Variants in FBXL7 observed in about 807,000 individuals in gnomAD.
The protein encoded by FBXL7 is F-box/LRR-repeat protein 7.
Under a neutral mutation model 38.3 loss-of-function variants are expected in FBXL7, and 12 were observed. The ratio of observed to expected loss-of-function variants is 0.31; its 90% CI spans 0.20 to 0.51. The LOEUF (loss-of-function observed/expected upper bound fraction) is 0.51, where lower values mean the gene tolerates loss of function less well. Among genes scored for constraint, FBXL7 ranks in the 20% least tolerant of loss-of-function variants. The pLI is 0.98. For missense variants in FBXL7, 567 were observed against 676.4 expected (o/e 0.84, Z 1.79); for synonymous variants, 297 against 300.9 (o/e 0.99, Z 0.13).
chr5:15,578,095 C>T (rs759156457), intron 1 of FBXL7, among the ~76,000 whole-genome samples: 12 of 152,044 alleles, frequency 7.9e-5, no homozygotes, highest in Non-Finnish European at 1.8e-4. Flanking sequence ...GGCTGCAGTT[C>T]GTCCACAGAA....
rs1406199462 is a variant in FBXL7 at position 15,500,558 on chromosome 5, G to A, written c.-119G>A. On this transcript the variant is annotated 5_prime_UTR_variant, in exon 1 of 4. Coordinates refer to ENST00000504595, the MANE Select transcript of FBXL7 (RefSeq NM_012304.5). ...CTCCAGGCCGGAGGTCGGCCCCGGA[G>A]CTTGGGGGGGATGTGCAGCTAACGG... The A allele has an allele frequency of 6.3e-6, 9 of 1,430,768 alleles. No individual in the cohort carries two copies. The Admixed American group carries it at 1.5e-4, about 24-fold the overall frequency. 88.6% of individuals were successfully genotyped at this position (1,430,768 alleles called of 1,614,324 possible). A position where few individuals can be genotyped will look rare whatever the true frequency, so the allele number is the denominator to read the frequency against.
rs1380968923 is a variant in FBXL7 at position 15,666,235 on chromosome 5, C to CAT, written c.127+50170_127+50171dup. 3.3e-5 allele frequency among the ~76,000 whole-genome samples: 5 copies of CAT among 151,990 alleles called. No homozygotes were observed. The East Asian group carries it at 9.6e-4, about 29-fold the overall frequency. On this transcript the variant is annotated intron_variant, in intron 2 of 3. Transcript: ENST00000504595. ...CTGAGTTGTGTTTTTTGGAGGACCA[C>CAT]ATATATATTTTTAAATGTTTATTAT...
intron 1 of FBXL7, among the ~76,000 whole-genome samples, chr5:15,564,544 G>A (rs1224912764): frequency 6.6e-6 from 1 of 151,852 alleles, no homozygotes; most frequent in Admixed American, 6.6e-5. Context: ...CCCAATATTA[G>A]CAATAGCAGG....
intron 2 of FBXL7, among the ~76,000 whole-genome samples, chr5:15,868,102 C>CAAA (rs35879964): frequency 1.8e-4 from 11 of 59,892 alleles, no homozygotes; most frequent in African/African-American, 3.8e-4. Flanking sequence ...GACTCCGTCT[C>CAAA]AAAAAAAAAA....
chr5:15,824,121 C>A (rs906549674), intron 2 of FBXL7, among the ~76,000 whole-genome samples: 2 of 151,490 alleles, frequency 1.3e-5, no homozygotes. Context: ...CATGGTGAAA[C>A]CCCGTCTCTA....
chr5:15,631,660 G>A (rs954703615), intron 2 of FBXL7, among the ~76,000 whole-genome samples: 8 of 105,562 alleles, frequency 7.6e-5, no homozygotes, highest in Non-Finnish European at 1.0e-4. Context: ...CAACAAGAGC[G>A]AGACTCCAAA....
chr5:15,744,296 C>G (rs1178218471), intron 2 of FBXL7, among the ~76,000 whole-genome samples: 1 of 152,120 alleles, frequency 6.6e-6, no homozygotes, highest in Non-Finnish European at 1.5e-5. Flanking sequence ...TGCCAGGTAC[C>G]CTAAATCATC....
chr5:15,676,822 G>A lies in FBXL7; in HGVS notation c.127+60750G>A, dbSNP rs140232888. 4.7e-3 allele frequency among the ~76,000 whole-genome samples: 723 copies of A among 152,224 alleles called. 7 individuals are homozygous for A. Among genetic ancestry groups the A allele is most frequent in the African/African-American group, 0.017 (699 of 41,486 alleles). On this transcript the variant is annotated intron_variant, in intron 2 of 3. Coordinates refer to ENST00000504595, the MANE Select transcript of FBXL7 (RefSeq NM_012304.5). ...TTTAGCTAGGAAAGCACTCATGAAC[G>A]TGTCCCCAAGTAAATGTTCCATATG...
intron 2 of FBXL7, among the ~76,000 whole-genome samples, chr5:15,634,512 G>C (rs1022532473): frequency 2.0e-5 from 3 of 149,574 alleles, no homozygotes; most frequent in Non-Finnish European, 4.4e-5. Context: ...AGTTGGGGGG[G>C]GGGTTTACCC....
chr5:15,647,419 G>A (rs1391853307), intron 2 of FBXL7, among the ~76,000 whole-genome samples: 1 of 152,050 alleles, frequency 6.6e-6, no homozygotes. Flanking sequence ...CAGTACTTCC[G>A]AGGCCACTGT....
At chr5:15,625,854 G>A (rs1740798199) in intron 2 of FBXL7, among the ~76,000 whole-genome samples, 2 of 152,098 alleles carry the variant, frequency 1.3e-5, no homozygotes, top group South Asian at 2.1e-4. Flanking sequence ...CACCAAAAAA[G>A]TAGAGTAAAA....
In FBXL7 at chr5:15,802,129, C is replaced by A. The variant is rs193141495; in HGVS notation, c.128-125761C>A. Among the ~76,000 whole-genome samples, 334 of 152,260 alleles carry A rather than the reference C, an allele frequency of 2.2e-3. 1 individual carries two copies. Among genetic ancestry groups the A allele is most frequent in the South Asian group, 5.0e-3 (24 of 4,822 alleles). On this transcript the variant is annotated intron_variant, in intron 2 of 3. Coordinates refer to ENST00000504595, the MANE Select transcript of FBXL7 (RefSeq NM_012304.5). ...GCCCACTTGGCTCTACCTCCAAAATCTATCTTGGATCTTAGTACTTCTCAC... is the reference window on the plus strand; with the variant it reads ...GCCCACTTGGCTCTACCTCCAAAATATATCTTGGATCTTAGTACTTCTCAC...
At chr5:15,580,678 T>TGGGTC (rs1025988610) in intron 1 of FBXL7, 7 of 985,290 alleles carry the variant, frequency 7.1e-6, no homozygotes, top group African/African-American at 5.2e-5. Flanking sequence ...AATTAACCTC[T>TGGGTC]GGGTCCGGGA....
chr5:15,525,747 T>C (rs911428373), intron 1 of FBXL7, among the ~76,000 whole-genome samples: 5 of 152,198 alleles, frequency 3.3e-5, no homozygotes. Context: ...CAAAATGTGA[T>C]AAGAAGAGAC....
chr5:15,716,653 G>A (rs963030365), intron 2 of FBXL7, among the ~76,000 whole-genome samples: 1 of 152,142 alleles, frequency 6.6e-6, no homozygotes, highest in South Asian at 2.1e-4. Context: ...GCATTGACAT[G>A]ATTTTTGCAT....
At chr5:15,863,662 A>C (rs1227411229) in intron 2 of FBXL7, among the ~76,000 whole-genome samples, 1 of 152,164 alleles carries the variant, frequency 6.6e-6, no homozygotes, top group African/African-American at 2.4e-5. Context: ...GGTGGGGCCT[A>C]GTGGGAGGTA....
At chr5:15,610,058 T>C (rs1740175892) in intron 1 of FBXL7, among the ~76,000 whole-genome samples, 1 of 152,114 alleles carries the variant, frequency 6.6e-6, no homozygotes, top group South Asian at 2.1e-4. Context: ...GGGAAAACAC[T>C]TATAAAACCA....
chr5:15,631,027 C>T (rs1207982519), intron 2 of FBXL7, among the ~76,000 whole-genome samples: 1 of 152,134 alleles, frequency 6.6e-6, no homozygotes, highest in African/African-American at 2.4e-5. Context: ...ATCACAGCCA[C>T]TTCATGTAAA....
chr5:15,651,797 G>C (rs12653573), intron 2 of FBXL7, among the ~76,000 whole-genome samples: 1 of 152,184 alleles, frequency 6.6e-6, no homozygotes, highest in African/African-American at 2.4e-5. Flanking sequence ...TTAAAACTTA[G>C]AAGTTTTGAA....
Sources: allele counts gnomAD v4.1 joint callset (sites outside exome capture counted in the v4.1 genomes callset), GRCh38; gene constraint gnomAD v4.1.1; transcripts MANE v1.5; gene names NCBI Gene and HGNC (gene_info 2026-07-23, HGNC 2026-07-21).